The following PPP1R12B variants were observed in gnomAD, a reference collection of about 807,000 sequenced individuals.
PPP1R12B encodes the protein myosin phosphatase target subunit 2.
PPP1R12B carries 76 observed loss-of-function variants against 126.1 expected under a neutral mutation model. The observed-to-expected ratio is 0.60, with a 90% CI of 0.50 to 0.73. The LOEUF (loss-of-function observed/expected upper bound fraction) is 0.73, where lower values mean the gene tolerates loss of function less well. PPP1R12B is among the 30% of genes least tolerant of loss of function. The pLI, the probability that PPP1R12B is intolerant of heterozygous loss-of-function variation, is 0.00. For synonymous variants in PPP1R12B, 356 were observed against 434.7 expected (o/e 0.82, Z 2.25); for missense variants, 1,052 against 1,205.1 (o/e 0.87, Z 1.88).
intron 23 of PPP1R12B, chr1:202,575,685 T>C (rs896133639): frequency 3.3e-5 from 5 of 152,270 alleles, no homozygotes; most frequent in African/African-American, 1.2e-4. Context: ...TTTAAACATA[T>C]ACATAGCTTT....
chr1:202,462,964 G>A, intron 13 of PPP1R12B: 2 of 985,372 alleles, frequency 2.0e-6, no homozygotes, highest in Non-Finnish European at 2.4e-6. Flanking sequence ...GGCACAGGAA[G>A]TTGATCTGGG....
intron 1 of PPP1R12B, among the ~76,000 whole-genome samples, chr1:202,387,008 C>G (rs2148508536): frequency 1.3e-5 from 2 of 152,308 alleles, no homozygotes; most frequent in Middle Eastern, 3.4e-3. Context: ...CTAGTCCTAA[C>G]TTAGTCTAGT....
intron 18 of PPP1R12B, among the ~76,000 whole-genome samples, chr1:202,519,009 A>C (rs1032634327): frequency 3.9e-5 from 6 of 152,176 alleles, no homozygotes; most frequent in Admixed American, 3.9e-4. Flanking sequence ...GTAGATGATA[A>C]GATGCTTTTT....
At chr1:202,480,116 A>G (rs1677162086) in intron 13 of PPP1R12B, among the ~76,000 whole-genome samples, 1 of 152,218 alleles carries the variant, frequency 6.6e-6, no homozygotes, top group Non-Finnish European at 1.5e-5. Flanking sequence ...ACTTTAAAAT[A>G]ATTGTGATTA....
At chr1:202,439,792 T>C (rs943638076) in intron 10 of PPP1R12B, 113 of 446,750 alleles carry the variant, frequency 2.5e-4, no homozygotes, top group African/African-American at 1.9e-3. Context: ...CCCACTTTCC[T>C]CCCCACTCCC....
intron 18 of PPP1R12B, chr1:202,558,603 T>G: frequency 2.9e-6 from 1 of 348,698 alleles, no homozygotes; most frequent in Non-Finnish European, 5.2e-6. Context: ...TCATTTTACA[T>G]TTTGCTAACT....
chr1:202,582,067 T>G lies in PPP1R12B; in HGVS notation c.*1507T>G, dbSNP rs1371709464. On this transcript the variant is annotated 3_prime_UTR_variant, in exon 24 of 24. Transcript: ENST00000608999. The stretch of plus-strand genomic sequence containing the variant: ...CTAATAACGAGAGAGTTTTTCCTCA[T>G]ATCAGCTGAAGTCTGCCTGTGGATT... 1 of 152,222 alleles carries G rather than the reference T, an allele frequency of 6.6e-6. No individual in the cohort carries two copies. Among genetic ancestry groups the G allele is most frequent in the Non-Finnish European group, 1.5e-5 (1 of 68,034 alleles). The allele number at this position is 152,222 out of a possible 1,614,324, so 9.4% of individuals were successfully genotyped here. A position where few individuals can be genotyped will look rare whatever the true frequency, so the allele number is the denominator to read the frequency against.
At chr1:202,512,877 C>G (rs78217024) in intron 18 of PPP1R12B, among the ~76,000 whole-genome samples, 2,854 of 152,246 alleles carry the variant, frequency 0.019, 46 homozygotes, top group Non-Finnish European at 0.029. Context: ...TGACCCCCTC[C>G]CTGGACCAGA....
At chr1:202,460,441 C>G (rs1198868481) in intron 13 of PPP1R12B, among the ~76,000 whole-genome samples, 1 of 151,726 alleles carries the variant, frequency 6.6e-6, no homozygotes, top group African/African-American at 2.4e-5. Context: ...AAATTTAAAC[C>G]AAGAATTTAA....
At chr1:202,486,210 A>G (rs962199963) in intron 13 of PPP1R12B, among the ~76,000 whole-genome samples, 8 of 152,042 alleles carry the variant, frequency 5.3e-5, no homozygotes, top group African/African-American at 1.7e-4. Context: ...ATTAATAAAT[A>G]CATTTTTTAA....
intron 23 of PPP1R12B, among the ~76,000 whole-genome samples, chr1:202,573,276 TC>T (rs929611499): frequency 2.0e-5 from 3 of 152,162 alleles, no homozygotes; most frequent in African/African-American, 7.2e-5. Flanking sequence ...GTCCTCACCC[TC>T]CAATGGCTAC....
At chr1:202,471,963 G>A (rs1340240343) in intron 13 of PPP1R12B, 174 of 1,596,640 alleles carry the variant, frequency 1.1e-4, no homozygotes, top group Middle Eastern at 2.2e-4. Context: ...CAAAACTACC[G>A]TTTGTGCATG....
At chr1:202,553,823 C>G (rs1160388798) in intron 18 of PPP1R12B, among the ~76,000 whole-genome samples, 8 of 152,092 alleles carry the variant, frequency 5.3e-5, no homozygotes, top group Admixed American at 4.6e-4. Flanking sequence ...TTATGTTCTG[C>G]TTGCCTCTTC....
intron 1 of PPP1R12B, among the ~76,000 whole-genome samples, chr1:202,408,277 A>T (rs1484824513): frequency 7.1e-6 from 1 of 141,330 alleles, no homozygotes; most frequent in Non-Finnish European, 1.6e-5. Flanking sequence ...CCTCAGCCAG[A>T]ATACCTTCAG....
intron 13 of PPP1R12B, among the ~76,000 whole-genome samples, chr1:202,483,552 G>A (rs1572223711): frequency 6.6e-6 from 1 of 152,254 alleles, no homozygotes; most frequent in East Asian, 1.9e-4. Context: ...GATGACTCAG[G>A]TCAGAGCAGG....
In PPP1R12B at chr1:202,558,903, C is replaced by T; in HGVS notation, c.2507+10C>T. 1 of 1,584,418 alleles carries T rather than the reference C, an allele frequency of 6.3e-7. No individual in the cohort carries two copies. Among genetic ancestry groups the T allele is most frequent in the Non-Finnish European group, 8.6e-7 (1 of 1,161,464 alleles). On this transcript the variant is annotated intron_variant, in intron 19 of 23. Transcript: ENST00000608999. ...ATGAAAGACTTTCTAGGTAAGAACT[C>T]TCCCTGTTATATATGCATGCTTAAT...
chr1:202,414,502 T>G (rs540576606), intron 1 of PPP1R12B, among the ~76,000 whole-genome samples: 14 of 152,326 alleles, frequency 9.2e-5, no homozygotes, highest in African/African-American at 3.4e-4. Context: ...TCAGATTTGT[T>G]GATAGTCAAA....
At chr1:202,469,869 A>G (rs1675595203) in intron 13 of PPP1R12B, among the ~76,000 whole-genome samples, 1 of 152,188 alleles carries the variant, frequency 6.6e-6, no homozygotes, top group African/African-American at 2.4e-5. Flanking sequence ...AGCTAATGGA[A>G]AGTTCAGAAA....
intron 1 of PPP1R12B, among the ~76,000 whole-genome samples, chr1:202,360,506 C>T (rs903400453): frequency 5.9e-5 from 9 of 151,886 alleles, no homozygotes; most frequent in Non-Finnish European, 8.8e-5. Context: ...GTCAGGTGTT[C>T]GAGACCAGCC....
Sources: gnomAD v4.1 joint callset for allele counts (sites outside exome capture counted in the v4.1 genomes callset) on GRCh38, gnomAD v4.1.1 for gene constraint, MANE v1.5 for transcripts, NCBI Gene and HGNC (gene_info 2026-07-23, HGNC 2026-07-21) for gene names.